Variants in AGAP1 observed in about 807,000 individuals in gnomAD.
The protein encoded by AGAP1 is arf-GAP with GTPase, ANK repeat and PH domain-containing protein 1.
AGAP1 carries 29 observed loss-of-function variants against 105.3 expected under a neutral mutation model. The ratio of observed to expected loss-of-function variants is 0.28; its 90% CI spans 0.21 to 0.38. The LOEUF is 0.38. Ranked by LOEUF, AGAP1 falls within the 10% of genes least tolerant of loss-of-function variation. The pLI is 1.00. For missense variants in AGAP1, 998 were observed against 1,165.1 expected (o/e 0.86, Z 2.09); for synonymous variants, 509 against 485.9 (o/e 1.05, Z -0.63).
intron 1 of AGAP1, among the ~76,000 whole-genome samples, chr2:235,708,313 G>C (rs139426724): frequency 2.6e-5 from 4 of 152,190 alleles, no homozygotes; most frequent in Non-Finnish European, 4.4e-5. Context: ...GAGCTGCCAT[G>C]TGATCACCAG....
chr2:235,563,100 C>T (rs975154393), intron 1 of AGAP1, among the ~76,000 whole-genome samples: 1 of 152,106 alleles, frequency 6.6e-6, no homozygotes, highest in Non-Finnish European at 1.5e-5. Context: ...TGCCCTGGGG[C>T]TGCTGTGGGG....
At chr2:236,091,768 C>T (rs2059066355) in intron 16 of AGAP1, among the ~76,000 whole-genome samples, 1 of 152,102 alleles carries the variant, frequency 6.6e-6, no homozygotes, top group African/African-American at 2.4e-5. Context: ...CAAGGCTCTG[C>T]ATAAATAAGT....
chr2:235,960,911 G>C lies in AGAP1; in HGVS notation c.1484-7551G>C, dbSNP rs2054156479. On this transcript the variant is annotated intron_variant, in intron 12 of 17. Transcript: ENST00000304032. This position sits in a 1 kb window ranked among gnomAD's most constrained non-coding sequence, Gnocchi z 4.9. The stretch of plus-strand genomic sequence containing the variant: ...TGGCACAAAAGCGTGCTTGTGGCTG[G>C]TTTTAAAACTAAGTCGCGAAATTGA... Among the ~76,000 whole-genome samples the C allele has an allele frequency of 6.6e-6, 1 of 152,212 alleles. No homozygotes were observed. Among genetic ancestry groups the C allele is most frequent in the African/African-American group, 2.4e-5 (1 of 41,446 alleles).
In AGAP1 at chr2:235,967,999, C is replaced by A. The variant is rs535561308; in HGVS notation, c.1484-463C>A. Among the ~76,000 whole-genome samples, 6 of 152,096 alleles carry A rather than the reference C, an allele frequency of 3.9e-5. No homozygotes were observed. Among genetic ancestry groups the A allele is most frequent in the Admixed American group, 1.3e-4 (2 of 15,282 alleles). On this transcript the variant is annotated intron_variant, in intron 12 of 17. Transcript: ENST00000304032. This position sits in a 1 kb window ranked among gnomAD's most constrained non-coding sequence, Gnocchi z 4.7. ...TTATAGTCATCTGTAATATTGAGGC[C>A]GGAAGAAAGGATCAGGAATCCCTTA...
chr2:236,027,252 A>G lies in AGAP1; in HGVS notation c.1646-9309A>G, dbSNP rs982479935. ...TTCACCTATTACCCTCCCTCAAAAT[A>G]AAAAATGAAGCCACCTAAAGACAGG... On this transcript the variant is annotated intron_variant, in intron 13 of 17. Coordinates refer to ENST00000304032, the MANE Select transcript of AGAP1 (RefSeq NM_001037131.3). This position sits in a 1 kb window ranked among gnomAD's most constrained non-coding sequence, Gnocchi z 4.4. 6.6e-6 allele frequency among the ~76,000 whole-genome samples: 1 copy of G among 152,134 alleles called. No individual in the cohort carries two copies.
chr2:236,051,541 G>A lies in AGAP1; in HGVS notation c.2114+2260G>A, dbSNP rs1395581087. 2.0e-5 allele frequency among the ~76,000 whole-genome samples: 3 copies of A among 152,168 alleles called. No individual in the cohort carries two copies. Among genetic ancestry groups the A allele is most frequent in the African/African-American group, 7.2e-5 (3 of 41,456 alleles). On this transcript the variant is annotated intron_variant, in intron 16 of 17. Transcript: ENST00000304032. This position sits in a 1 kb window ranked among gnomAD's most constrained non-coding sequence, Gnocchi z 5.9. ...GAGGGTGGGAGTGGCCTCGGTGGAT[G>A]CAGGCTCGGCCGGGCCTGTGGGGAG... is the stretch of plus-strand genomic sequence containing the variant.
Position 235,740,300 on chromosome 2 carries a change from T to G in AGAP1, c.311-663T>G, listed in dbSNP as rs1952505197. On this transcript the variant is annotated intron_variant, in intron 3 of 17. Coordinates refer to ENST00000304032, the MANE Select transcript of AGAP1 (RefSeq NM_001037131.3). The surrounding 1 kb of genome is among the most constrained non-coding windows in gnomAD (Gnocchi z 5.7). Reference sequence around the variant, plus strand: ...ACCCCCTCCTCATGGTCACCTCTGTTCCTGCAGGGTCCCGGTGGTCTCCCG... The same window carrying G: ...ACCCCCTCCTCATGGTCACCTCTGTGCCTGCAGGGTCCCGGTGGTCTCCCG... 6.6e-6 allele frequency among the ~76,000 whole-genome samples: 1 copy of G among 151,648 alleles called. No individual in the cohort carries two copies. The highest frequency in any genetic ancestry group is 1.9e-4 in the East Asian group (1 of 5,140).
chr2:235,816,098 A>C (rs1448126523), intron 9 of AGAP1, among the ~76,000 whole-genome samples: 2 of 152,116 alleles, frequency 1.3e-5, no homozygotes, highest in Non-Finnish European at 2.9e-5. Context: ...GTTTTGGTTA[A>C]TTTCTCCCAG....
chr2:235,652,098 T>C (rs1947614932), intron 1 of AGAP1, among the ~76,000 whole-genome samples: 1 of 152,186 alleles, frequency 6.6e-6, no homozygotes, highest in Non-Finnish European at 1.5e-5. Flanking sequence ...CTTAATTTCA[T>C]TTGAAAGACA....
At chr2:236,013,783 G>C (rs1449130465) in intron 13 of AGAP1, among the ~76,000 whole-genome samples, 1 of 152,196 alleles carries the variant, frequency 6.6e-6, no homozygotes, top group Non-Finnish European at 1.5e-5. Flanking sequence ...GGCAGTCCAA[G>C]CCCTCTAGCC....
In AGAP1 at chr2:235,556,495, C is replaced by T. The variant is rs1943978609; in HGVS notation, c.163+61646C>T. Among the ~76,000 whole-genome samples, 1 of 152,188 alleles carries T rather than the reference C, an allele frequency of 6.6e-6. No individual in the cohort carries two copies. Among genetic ancestry groups the T allele is most frequent in the Admixed American group, 6.5e-5 (1 of 15,280 alleles). ...GGTGACACAAACCAGAGAAGGGCTTCAGCAGAGGGCCATGAGTGCCTAACC... is the reference window on the plus strand; with the variant it reads ...GGTGACACAAACCAGAGAAGGGCTTTAGCAGAGGGCCATGAGTGCCTAACC... On this transcript the variant is annotated intron_variant, in intron 1 of 17. Coordinates refer to ENST00000304032, the MANE Select transcript of AGAP1 (RefSeq NM_001037131.3). The surrounding 1 kb of genome is among the most constrained non-coding windows in gnomAD (Gnocchi z 5.3).
intron 16 of AGAP1, among the ~76,000 whole-genome samples, chr2:236,054,817 A>G (rs535772834): frequency 2.6e-4 from 40 of 152,150 alleles, no homozygotes; most frequent in African/African-American, 9.2e-4. Flanking sequence ...TTAATTTGCC[A>G]CGATCACCGA....
rs980310903 is a variant in AGAP1 at position 235,864,085 on chromosome 2, G to A, written c.1051-19260G>A. ...GACTCTATAGATCTGACTTGAATGC[G>A]CAAGCGGGCCGTTCCCACGTGATTT... On this transcript the variant is annotated intron_variant, in intron 9 of 17. Transcript: ENST00000304032. The surrounding 1 kb of genome is among the most constrained non-coding windows in gnomAD (Gnocchi z 5.0). Among the ~76,000 whole-genome samples the A allele has an allele frequency of 6.6e-6, 1 of 152,190 alleles. No homozygotes were observed. Among genetic ancestry groups the A allele is most frequent in the Non-Finnish European group, 1.5e-5 (1 of 68,030 alleles).
At chr2:235,837,790 A>G (rs1008751585) in intron 9 of AGAP1, among the ~76,000 whole-genome samples, 6 of 152,196 alleles carry the variant, frequency 3.9e-5, no homozygotes, top group Non-Finnish European at 7.3e-5. Context: ...TTTCTCATCA[A>G]TAAATTTATT....
chr2:235,605,408 CAT>C (rs1369383506), intron 1 of AGAP1, among the ~76,000 whole-genome samples: 1 of 152,240 alleles, frequency 6.6e-6, no homozygotes. Context: ...AATTTCGCCA[CAT>C]GCGAAGATTC....
chr2:235,879,352 A>G lies in AGAP1; in HGVS notation c.1051-3993A>G, dbSNP rs2049898252. Reference sequence around the variant, plus strand: ...GGCAGCCAAGTGGCTCTTGGTCGCCACAGCAATTCTTGGGGGGGTCAGATA... The same window carrying G: ...GGCAGCCAAGTGGCTCTTGGTCGCCGCAGCAATTCTTGGGGGGGTCAGATA... On this transcript the variant is annotated intron_variant, in intron 9 of 17. Transcript: ENST00000304032. This position sits in a 1 kb window ranked among gnomAD's most constrained non-coding sequence, Gnocchi z 5.0. Among the ~76,000 whole-genome samples the G allele has an allele frequency of 6.6e-6, 1 of 152,186 alleles. No homozygotes were observed. Among genetic ancestry groups the G allele is most frequent in the Non-Finnish European group, 1.5e-5 (1 of 68,038 alleles).
chr2:235,995,171 A>G (rs2055756115), intron 13 of AGAP1, among the ~76,000 whole-genome samples: 1 of 151,878 alleles, frequency 6.6e-6, no homozygotes, highest in Non-Finnish European at 1.5e-5. Flanking sequence ...TATAAATAAA[A>G]TATTTAATTT....
intron 16 of AGAP1, among the ~76,000 whole-genome samples, chr2:236,086,118 T>C (rs927173302): frequency 1.3e-5 from 2 of 152,248 alleles, no homozygotes; most frequent in African/African-American, 4.8e-5. Flanking sequence ...ATACCAGCTC[T>C]GACAGTCCGA....
chr2:235,827,748 CAT>C (rs1411342038), intron 9 of AGAP1, among the ~76,000 whole-genome samples: 1 of 152,214 alleles, frequency 6.6e-6, no homozygotes, highest in Non-Finnish European at 1.5e-5. Flanking sequence ...TTTCCTTTAA[CAT>C]AGCTTGCCCG....
Sources: allele counts gnomAD v4.1 joint callset (sites outside exome capture counted in the v4.1 genomes callset), GRCh38; gene constraint gnomAD v4.1.1; non-coding constraint Gnocchi (gnomAD v3.1); transcripts MANE v1.5; gene names NCBI Gene and HGNC (gene_info 2026-07-23, HGNC 2026-07-21).